SLC44A5: variants seen among roughly 807,000 people sequenced by gnomAD.
SLC44A5 encodes the protein solute carrier family 44 member 5.
A neutral mutation model predicts 101.8 loss-of-function variants in SLC44A5; 57 were observed. The ratio of observed to expected loss-of-function variants is 0.56; its 90% CI spans 0.45 to 0.70. The LOEUF (loss-of-function observed/expected upper bound fraction) is 0.70, where lower values mean the gene tolerates loss of function less well. Ranked by LOEUF, SLC44A5 falls within the 30% of genes least tolerant of loss-of-function variation. The probability of loss-of-function intolerance (pLI) is 0.00; values close to 1 mark genes in which losing one functional copy is unlikely to be tolerated. For synonymous variants in SLC44A5, 281 were observed against 290.9 expected, an observed-to-expected ratio of 0.97 and a Z score of 0.35; for missense variants, 737 against 853.1, an observed-to-expected ratio of 0.86 and a Z score of 1.70.
chr1:75,483,779 A>C (rs981093950), intron 2 of SLC44A5, among the ~76,000 whole-genome samples: 1 of 152,192 alleles, frequency 6.6e-6, no homozygotes, highest in Non-Finnish European at 1.5e-5. Context: ...GGTAATTTAT[A>C]AGGAAAAGAG....
intron 12 of SLC44A5, among the ~76,000 whole-genome samples, chr1:75,232,570 C>T (rs2100562398): frequency 6.6e-6 from 1 of 152,088 alleles, no homozygotes; most frequent in East Asian, 1.9e-4. Flanking sequence ...CAAGAGGAGC[C>T]GTACAGCAGG....
the SLC44A5 span, among the ~76,000 whole-genome samples, chr1:75,618,855 T>TGGTC: frequency 6.2e-4 from 94 of 152,092 alleles, 1 homozygote; most frequent in African/African-American, 2.1e-3. Context: ...GGACCACCTG[T>TGGTC]GGTCAGGAGT....
intron 4 of SLC44A5, among the ~76,000 whole-genome samples, chr1:75,303,822 G>T (rs1038453387): frequency 6.6e-6 from 1 of 152,152 alleles, no homozygotes; most frequent in African/African-American, 2.4e-5. Context: ...CTGGGAGAGG[G>T]GAGGGATAGC....
intron 3 of SLC44A5, among the ~76,000 whole-genome samples, chr1:75,372,991 T>G (rs189500655): frequency 6.6e-6 from 1 of 152,144 alleles, no homozygotes; most frequent in Non-Finnish European, 1.5e-5. Flanking sequence ...CTTCAAAAAA[T>G]GTAAGAACTC....
At chr1:75,408,153 C>T (rs1181754545) in intron 2 of SLC44A5, among the ~76,000 whole-genome samples, 1 of 152,086 alleles carries the variant, frequency 6.6e-6, no homozygotes, top group Non-Finnish European at 1.5e-5. Context: ...CAAATTAAAA[C>T]CACAATGAGA....
At chr1:75,685,269 C>T in the SLC44A5 span, among the ~76,000 whole-genome samples, 1 of 152,138 alleles carries the variant, frequency 6.6e-6, no homozygotes, top group African/African-American at 2.4e-5. Flanking sequence ...GCTGTGAAGA[C>T]CTTGGACATG....
At chr1:75,450,601 C>T (rs1665848864) in intron 2 of SLC44A5, among the ~76,000 whole-genome samples, 1 of 152,206 alleles carries the variant, frequency 6.6e-6, no homozygotes, top group African/African-American at 2.4e-5. Context: ...GCTACTGCTG[C>T]AGTTTCCTCT....
intron 1 of SLC44A5, among the ~76,000 whole-genome samples, chr1:75,580,293 G>A (rs1557929721): frequency 1.3e-5 from 2 of 152,142 alleles, no homozygotes; most frequent in Non-Finnish European, 2.9e-5. Flanking sequence ...TAGCCAAGCA[G>A]TAAAACATGC....
intron 2 of SLC44A5, among the ~76,000 whole-genome samples, chr1:75,486,796 G>GA (rs1280605685): frequency 2.0e-5 from 3 of 152,018 alleles, no homozygotes; most frequent in South Asian, 2.1e-4. Flanking sequence ...TCCTACAATA[G>GA]AAAAAAGCTT....
intron 2 of SLC44A5, among the ~76,000 whole-genome samples, chr1:75,472,094 A>G (rs1399087958): frequency 6.6e-6 from 1 of 151,534 alleles, no homozygotes; most frequent in Non-Finnish European, 1.5e-5. Context: ...AAAAAAAAAA[A>G]AAAAACTACT....
the SLC44A5 span, among the ~76,000 whole-genome samples, chr1:75,673,842 C>A: frequency 5.9e-5 from 9 of 152,132 alleles, no homozygotes; most frequent in African/African-American, 2.2e-4. Context: ...TCTGCAAGAG[C>A]CATTGTTTCA....
chr1:75,308,762 T>C (rs547144176), intron 4 of SLC44A5, among the ~76,000 whole-genome samples: 1 of 152,338 alleles, frequency 6.6e-6, no homozygotes, highest in African/African-American at 2.4e-5. Flanking sequence ...TTAGAATCTA[T>C]GTAGACACAG....
chr1:75,483,774 T>C (rs1407566189), intron 2 of SLC44A5, among the ~76,000 whole-genome samples: 1 of 152,152 alleles, frequency 6.6e-6, no homozygotes, highest in Non-Finnish European at 1.5e-5. Context: ...TACTGGGTAA[T>C]TTATAAGGAA....
intron 1 of SLC44A5, among the ~76,000 whole-genome samples, chr1:75,603,613 A>C (rs1675128775): frequency 6.6e-6 from 1 of 151,964 alleles, no homozygotes; most frequent in Admixed American, 6.6e-5. Flanking sequence ...ATATATGCTT[A>C]TAAGCATTCC....
the SLC44A5 span, among the ~76,000 whole-genome samples, chr1:75,704,547 C>A: frequency 3.3e-5 from 5 of 152,118 alleles, no homozygotes; most frequent in Non-Finnish European, 5.9e-5. Flanking sequence ...AAAATCTGCA[C>A]CTATTTCATT....
rs573354165 is a variant in SLC44A5, at chr1:75,242,564, C to T, written c.471+322G>A. Among the ~76,000 whole-genome samples the T allele has an allele frequency of 2.0e-3, 304 of 152,080 alleles. 2 individuals are homozygous for T. The highest frequency in any genetic ancestry group is 3.2e-3 in the Admixed American group (49 of 15,258). On this transcript the variant is annotated intron_variant, in intron 8 of 23. Coordinates refer to ENST00000370859, the MANE Select transcript of SLC44A5 (RefSeq NM_001130058.2). The stretch of plus-strand genomic sequence containing the variant: ...CTATGGGGCTTCATCACCACATTAA[C>T]GAAATGGTGATTGCAAATGACATTA...
the SLC44A5 span, among the ~76,000 whole-genome samples, chr1:75,685,971 CAT>C: frequency 6.6e-6 from 1 of 152,170 alleles, no homozygotes; most frequent in Non-Finnish European, 1.5e-5. Flanking sequence ...GGGAAGCAAA[CAT>C]GTTCTTTACA....
intron 3 of SLC44A5, among the ~76,000 whole-genome samples, chr1:75,375,384 G>C (rs1557716534): frequency 6.6e-6 from 1 of 152,228 alleles, no homozygotes; most frequent in African/African-American, 2.4e-5. Context: ...TGAGAGAGAA[G>C]AGAGAGTAAG....
At chr1:75,701,930 C>T in the SLC44A5 span, among the ~76,000 whole-genome samples, 1 of 152,048 alleles carries the variant, frequency 6.6e-6, no homozygotes, top group Non-Finnish European at 1.5e-5. Context: ...GAATGAAATA[C>T]CTAGGAATCC....
Sources: allele counts gnomAD v4.1 joint callset (sites outside exome capture counted in the v4.1 genomes callset), GRCh38; gene constraint gnomAD v4.1.1; transcripts MANE v1.5; gene names NCBI Gene and HGNC (gene_info 2026-07-23, HGNC 2026-07-21).